ADAMTS19: variants seen among roughly 807,000 people sequenced by gnomAD.
ADAMTS19 encodes the protein ADAM metallopeptidase with thrombospondin type 1 motif 19.
In ADAMTS19, 93 loss-of-function variants were observed where a neutral mutation model predicts 153.3. That is an observed-to-expected ratio of 0.61 (90% confidence interval 0.51 to 0.72). ADAMTS19 has a LOEUF of 0.72. ADAMTS19 is among the 30% of genes least tolerant of loss of function. The pLI, the probability that ADAMTS19 is intolerant of heterozygous loss-of-function variation, is 0.00. For synonymous variants in ADAMTS19, 600 were observed against 556.6 expected (o/e 1.08, Z -1.10); for missense variants, 1,482 against 1,552.1 (o/e 0.95, Z 0.76).
chr5:129,491,886 C>A (rs976526312), intron 2 of ADAMTS19, among the ~76,000 whole-genome samples: 4 of 152,090 alleles, frequency 2.6e-5, no homozygotes, highest in Non-Finnish European at 5.9e-5. Flanking sequence ...TTTGCATTTT[C>A]TTGTGGGTAC....
chr5:129,552,986 T>A (rs553730943), intron 7 of ADAMTS19, among the ~76,000 whole-genome samples: 1 of 152,194 alleles, frequency 6.6e-6, no homozygotes, highest in East Asian at 1.9e-4. Flanking sequence ...GGAATTGATG[T>A]AGGGACCATC....
chr5:129,477,804 G>A (rs780517654), intron 2 of ADAMTS19, among the ~76,000 whole-genome samples: 2 of 152,112 alleles, frequency 1.3e-5, no homozygotes, highest in African/African-American at 2.4e-5. Flanking sequence ...ACTCAGCATA[G>A]GATTGTAAGA....
chr5:129,534,771 A>G (rs1752352475), intron 6 of ADAMTS19, among the ~76,000 whole-genome samples: 1 of 152,248 alleles, frequency 6.6e-6, no homozygotes. Flanking sequence ...TGTTCAACAT[A>G]CGAAAATCAA....
chr5:129,723,804 A>G (rs246242), intron 21 of ADAMTS19, among the ~76,000 whole-genome samples: 142,819 of 152,280 alleles, frequency 0.94, 67,064 homozygotes, highest in East Asian at 1. Context: ...ACCCATGGTA[A>G]TCAGGCTACA....
chr5:129,623,542 C>G (rs1468651255), intron 10 of ADAMTS19, among the ~76,000 whole-genome samples: 3 of 152,108 alleles, frequency 2.0e-5, no homozygotes, highest in Non-Finnish European at 4.4e-5. Flanking sequence ...TAACTGTCAG[C>G]ATAATTAAGA....
chr5:129,468,942 A>T (rs545108261), intron 2 of ADAMTS19, among the ~76,000 whole-genome samples: 5 of 151,904 alleles, frequency 3.3e-5, no homozygotes, highest in African/African-American at 1.2e-4. Flanking sequence ...ACACCCAGCT[A>T]ATTTTTGTGT....
chr5:129,666,080 T>G (rs1371023376), intron 16 of ADAMTS19, among the ~76,000 whole-genome samples: 1 of 151,514 alleles, frequency 6.6e-6, no homozygotes, highest in Non-Finnish European at 1.5e-5. Flanking sequence ...TGGAAAAGGG[T>G]TCTCTCTCTT....
intron 10 of ADAMTS19, among the ~76,000 whole-genome samples, chr5:129,629,724 T>A (rs963764436): frequency 2.0e-5 from 3 of 152,254 alleles, no homozygotes; most frequent in African/African-American, 7.2e-5. Context: ...AATGGCTGAC[T>A]TCTTGGATGG....
At chr5:129,510,099 T>C (rs1012177752) in intron 3 of ADAMTS19, among the ~76,000 whole-genome samples, 18 of 151,928 alleles carry the variant, frequency 1.2e-4, no homozygotes, top group Non-Finnish European at 2.5e-4. Flanking sequence ...TATAAATTTA[T>C]TGAAAAATTT....
At chr5:129,535,586 A>C (rs1350434106) in intron 6 of ADAMTS19, among the ~76,000 whole-genome samples, 2 of 152,152 alleles carry the variant, frequency 1.3e-5, no homozygotes, top group Non-Finnish European at 2.9e-5. Flanking sequence ...GGAACCAAAA[A>C]AGAGCCCGCA....
intron 10 of ADAMTS19, among the ~76,000 whole-genome samples, chr5:129,625,836 T>C (rs971803192): frequency 6.6e-6 from 1 of 152,176 alleles, no homozygotes; most frequent in African/African-American, 2.4e-5. Flanking sequence ...GTGCAGAAGC[T>C]CTTTAGTTTA....
Position 129,738,175 on chromosome 5 carries a change from G to A in ADAMTS19, c.*957G>A, listed in dbSNP as rs1003130687. On this transcript the variant is annotated 3_prime_UTR_variant, in exon 23 of 23. Transcript: ENST00000274487. ...AGGAAAAACAGAAAGCATATAATAC[G>A]GTGGTCGTTTCATTGTGTTTTTCTT... is the stretch of plus-strand genomic sequence containing the variant. 3.3e-5 allele frequency: 5 copies of A among 152,136 alleles called. No homozygotes were observed. The highest frequency in any genetic ancestry group is 4.8e-5 in the African/African-American group (2 of 41,376). 9.4% of individuals were successfully genotyped at this position (152,136 alleles called of 1,614,324 possible). A position where few individuals can be genotyped will look rare whatever the true frequency, so the allele number is the denominator to read the frequency against.
intron 18 of ADAMTS19, among the ~76,000 whole-genome samples, chr5:129,687,847 T>C (rs555891072): frequency 7.1e-4 from 108 of 152,314 alleles, no homozygotes; most frequent in African/African-American, 2.5e-3. Flanking sequence ...CAAATGGACG[T>C]TTTATTATAT....
intron 10 of ADAMTS19, among the ~76,000 whole-genome samples, chr5:129,632,038 C>T (rs1322257282): frequency 6.6e-6 from 1 of 152,008 alleles, no homozygotes; most frequent in Admixed American, 6.6e-5. Flanking sequence ...TGGGATCACA[C>T]ATCTTTATTT....
Position 129,648,920 on chromosome 5 carries a change from G to C in ADAMTS19, c.2126G>C (p.Arg709Thr). 1.2e-6 allele frequency: 2 copies of C among 1,613,260 alleles called. No individual in the cohort carries two copies. Among genetic ancestry groups the C allele is most frequent in the Non-Finnish European group, 8.5e-7 (1 of 1,179,450 alleles). ...TGGCAATGTCAGGCTTATAGTGTTA[G>C]AACTTCCTCCCCAAAGCATATACTT... ...RDWQCQAYSV[R>T]TSSPKHILQW... Residue 709 changes from arginine to threonine, a missense_variant, in exon 13 of 23, where the codon AGA becomes ACA. This residue lies in a region of ADAMTS19 where 616 missense variants were observed against 724.4 expected (regional missense o/e 0.85). Transcript: ENST00000274487.
chr5:129,635,928 G>A (rs531967824), intron 10 of ADAMTS19, among the ~76,000 whole-genome samples: 1 of 152,084 alleles, frequency 6.6e-6, no homozygotes, highest in Non-Finnish European at 1.5e-5. Flanking sequence ...ACAGAGTCTT[G>A]CTCTGCTGCC....
chr5:129,658,392 A>G (rs1753684037), intron 14 of ADAMTS19, among the ~76,000 whole-genome samples: 1 of 151,868 alleles, frequency 6.6e-6, no homozygotes, highest in Admixed American at 6.5e-5. Context: ...GAAGGAAGGT[A>G]GGTAGGTTAT....
intron 21 of ADAMTS19, among the ~76,000 whole-genome samples, chr5:129,729,976 G>T (rs1469073039): frequency 2.0e-5 from 3 of 151,812 alleles, no homozygotes; most frequent in Non-Finnish European, 4.4e-5. Context: ...TATTCTTTTG[G>T]TTTCTCAAAT....
chr5:129,721,502 G>A (rs989056418), intron 21 of ADAMTS19, among the ~76,000 whole-genome samples: 1 of 152,148 alleles, frequency 6.6e-6, no homozygotes, highest in Non-Finnish European at 1.5e-5. Flanking sequence ...TATGACATCT[G>A]TAAATGTCTC....
Sources: allele counts gnomAD v4.1 joint callset (sites outside exome capture counted in the v4.1 genomes callset), GRCh38; gene constraint gnomAD v4.1.1; regional missense constraint gnomAD v4.1.1; transcripts MANE v1.5; gene names NCBI Gene and HGNC (gene_info 2026-07-23, HGNC 2026-07-21).